The following SULT1C3 variants were observed in gnomAD, a reference collection of about 807,000 sequenced individuals.
SULT1C3 encodes sulfotransferase family 1C member 3.
Under a neutral mutation model 28.4 loss-of-function variants are expected in SULT1C3, and 31 were observed. The observed-to-expected ratio is 1.09, with a 90% CI of 0.82 to 1.47. The LOEUF is 1.47. SULT1C3 is among the 40% of genes most tolerant of loss of function. The pLI is 0.00. For synonymous variants in SULT1C3, 106 were observed against 92.2 expected (o/e 1.15, Z -0.86); for missense variants, 307 against 272.5 (o/e 1.13, Z -0.89).
downstream of SULT1C3, among the ~76,000 whole-genome samples, chr2:108,263,736 T>C (rs1181014329): frequency 1.3e-5 from 2 of 152,214 alleles, no homozygotes; most frequent in African/African-American, 2.4e-5. Flanking sequence ...GCATGGGCTT[T>C]CATGCAGAAG....
chr2:108,254,631 A>G (rs2104389369), intron 4 of SULT1C3, among the ~76,000 whole-genome samples: 1 of 151,878 alleles, frequency 6.6e-6, no homozygotes, highest in South Asian at 2.1e-4. Context: ...TGACTGAATG[A>G]TACTGAATTT....
intron 1 of SULT1C3, among the ~76,000 whole-genome samples, chr2:108,241,282 T>C (rs1283045444): frequency 1.3e-5 from 2 of 152,158 alleles, no homozygotes; most frequent in East Asian, 3.8e-4. Context: ...CAAAGAAAAA[T>C]GGATTATTGT....
At chr2:108,243,447 C>T (rs1019484546) in intron 1 of SULT1C3, among the ~76,000 whole-genome samples, 8 of 151,930 alleles carry the variant, frequency 5.3e-5, no homozygotes, top group Non-Finnish European at 1.0e-4. Context: ...CTGGCTAACA[C>T]GGTGAAACCC....
Position 108,240,056 on chromosome 2 carries a change from CT to C in SULT1C3, c.-34del, listed in dbSNP as rs997546837. ...AAGCAGTTTGACTAAAGGCAGCAAG[CT>C]GCTTCCTCTGCTGCCTGAGATACCA... On this transcript the variant is annotated 5_prime_UTR_variant, in exon 1 of 8. Coordinates refer to ENST00000681802, the MANE Select transcript of SULT1C3 (RefSeq NM_001320878.2). Among the ~76,000 whole-genome samples the C allele has an allele frequency of 6.6e-5, 10 of 152,230 alleles. No individual in the cohort carries two copies. The highest frequency in any genetic ancestry group is 2.2e-4 in the African/African-American group (9 of 41,458).
At chr2:108,252,689 C>T (rs1454138747) in intron 3 of SULT1C3, among the ~76,000 whole-genome samples, 196 bp downstream of exon 3, 1 of 152,016 alleles carries the variant, frequency 6.6e-6, no homozygotes, top group Non-Finnish European at 1.5e-5. Context: ...TGGCCTTTAT[C>T]TCCCCAATAA....
chr2:108,260,743 A>T lies in SULT1C3; in HGVS notation c.*63A>T. The T allele has an allele frequency of 2.3e-6, 1 of 442,438 alleles. No individual in the cohort carries two copies. The highest frequency in any genetic ancestry group is 1.6e-5 in the South Asian group (1 of 61,576). 27.4% of individuals were successfully genotyped at this position (442,438 alleles called of 1,614,324 possible). A position where few individuals can be genotyped will look rare whatever the true frequency, so the allele number is the denominator to read the frequency against. ...AACTATTTCGCCTTTTATTCTGTTG[A>T]GCAAGGAACTGTGACTGAATGTGGA... On this transcript the variant is annotated 3_prime_UTR_variant, in exon 8 of 8. Transcript: ENST00000681802.
chr2:108,250,494 G>A (rs1459164933), intron 2 of SULT1C3, among the ~76,000 whole-genome samples: 1 of 151,868 alleles, frequency 6.6e-6, no homozygotes, highest in South Asian at 2.1e-4. Flanking sequence ...TGAACAGTTT[G>A]TTATAAAACT....
intron 2 of SULT1C3, among the ~76,000 whole-genome samples, chr2:108,250,733 A>G (rs1402898112): frequency 6.6e-6 from 1 of 152,100 alleles, no homozygotes; most frequent in Non-Finnish European, 1.5e-5. Flanking sequence ...AAAAAAATGA[A>G]CTACAGATAT....
chr2:108,264,601 T>G (rs1676090887), downstream of SULT1C3, among the ~76,000 whole-genome samples: 1 of 152,212 alleles, frequency 6.6e-6, no homozygotes, highest in African/African-American at 2.4e-5. Flanking sequence ...TTAATTCCTT[T>G]CCTTCAAGGT....
intron 2 of SULT1C3, among the ~76,000 whole-genome samples, chr2:108,247,776 G>A (rs1056546261): frequency 2.0e-5 from 3 of 152,106 alleles, no homozygotes. Flanking sequence ...ATCCTCTAAA[G>A]CTCTTGGAGG....
At chr2:108,261,486 T>G (rs1017811089), downstream of SULT1C3, among the ~76,000 whole-genome samples, 3 of 152,084 alleles carry the variant, frequency 2.0e-5, no homozygotes, top group Non-Finnish European at 4.4e-5. Context: ...TAATATAAAT[T>G]TAGTGCTTCA....
At chr2:108,249,033 C>G (rs1352634210) in intron 2 of SULT1C3, among the ~76,000 whole-genome samples, 1 of 152,098 alleles carries the variant, frequency 6.6e-6, no homozygotes, top group Non-Finnish European at 1.5e-5. Flanking sequence ...TATCTCAATA[C>G]TACAGCCACA....
At chr2:108,248,114 G>A (rs571242874) in intron 2 of SULT1C3, among the ~76,000 whole-genome samples, 1 of 152,216 alleles carries the variant, frequency 6.6e-6, no homozygotes, top group African/African-American at 2.4e-5. Context: ...TTAAATGTCT[G>A]TAAAAATAAA....
rs548122635 is a variant in SULT1C3, at chr2:108,249,369, C to T, written c.172+2003C>T. 2.6e-5 allele frequency among the ~76,000 whole-genome samples: 4 copies of T among 151,820 alleles called. No homozygotes were observed. The South Asian group carries it at 6.2e-4, about 24-fold the overall frequency. On this transcript the variant is annotated intron_variant, in intron 2 of 7. Coordinates refer to ENST00000681802, the MANE Select transcript of SULT1C3 (RefSeq NM_001320878.2). ...ACAGCGAAAAGCTGAATGTGTTGCC[C>T]GCACAGCTGCACTAAAAATAAATAA...
chr2:108,264,926 G>A, downstream of SULT1C3: 1 of 1,613,920 alleles, frequency 6.2e-7, no homozygotes, highest in Non-Finnish European at 8.5e-7. Flanking sequence ...TTGATGTAAT[G>A]AAGCAAAACC....
In SULT1C3 at chr2:108,247,313, G is replaced by A. The variant is rs1177811400; in HGVS notation, c.119G>A (p.Cys40Tyr). 1.3e-6 allele frequency: 2 copies of A among 1,587,886 alleles called. No homozygotes were observed. Among genetic ancestry groups the A allele is most frequent in the African/African-American group, 1.3e-5 (1 of 74,104 alleles). Reference sequence around the variant, plus strand: ...TCAAAAGAATGGTGGGAAAAAGTATGTAATTTCCAAGCCAAGCCTGATGAT... The same window carrying A: ...TCAAAAGAATGGTGGGAAAAAGTATATAATTTCCAAGCCAAGCCTGATGAT... ...ILSKEWWEKV[C>Y]NFQAKPDDLI... The change falls in exon 2 of 8, where the codon TGT becomes TAT. Residue 40 changes from cysteine (C) to tyrosine (Y), a missense_variant. Coordinates refer to ENST00000681802, the MANE Select transcript of SULT1C3 (RefSeq NM_001320878.2).
rs562352855 is a variant in SULT1C3, at chr2:108,245,353, G to T, written c.-7-1835G>T. ...AAGAAAAATCACATAATTGGGCAAG[G>T]CCCCTTTAAGGGAGGGAGCATGCTA... is the stretch of plus-strand genomic sequence containing the variant. On this transcript the variant is annotated intron_variant, in intron 1 of 7. Coordinates refer to ENST00000681802, the MANE Select transcript of SULT1C3 (RefSeq NM_001320878.2). Among the ~76,000 whole-genome samples, 3 of 152,254 alleles carry T rather than the reference G, an allele frequency of 2.0e-5. No individual in the cohort carries two copies. The East Asian group carries it at 5.8e-4, about 29-fold the overall frequency.
chr2:108,244,902 T>C (rs1046118095), intron 1 of SULT1C3, among the ~76,000 whole-genome samples: 2 of 152,114 alleles, frequency 1.3e-5, no homozygotes, highest in Non-Finnish European at 2.9e-5. Context: ...AAGGCCACAC[T>C]CTTGTGCAAA....
chr2:108,241,833 A>C (rs1191123660), intron 1 of SULT1C3, among the ~76,000 whole-genome samples: 1 of 151,432 alleles, frequency 6.6e-6, no homozygotes, highest in Non-Finnish European at 1.5e-5. Context: ...AGGCTGAGGC[A>C]GGAGAATGGC....
Sources: allele counts gnomAD v4.1 joint callset (sites outside exome capture counted in the v4.1 genomes callset), GRCh38; gene constraint gnomAD v4.1.1; transcripts MANE v1.5; gene names NCBI Gene and HGNC (gene_info 2026-07-23, HGNC 2026-07-21).